DAB1: variants seen among roughly 807,000 people sequenced by gnomAD.
The protein encoded by DAB1 is DAB adaptor protein 1.
In DAB1, 15 loss-of-function variants were observed where a neutral mutation model predicts 64.6. The observed-to-expected ratio is 0.23, with a 90% CI of 0.16 to 0.36. The LOEUF is 0.36. Among genes scored for constraint, DAB1 ranks in the 10% least tolerant of loss-of-function variants. The pLI, the probability that DAB1 is intolerant of heterozygous loss-of-function variation, is 1.00. For missense variants in DAB1, 596 were observed against 706.7 expected, an observed-to-expected ratio of 0.84 and a Z score of 1.78; for synonymous variants, 235 against 251.9, an observed-to-expected ratio of 0.93 and a Z score of 0.64.
rs1378664874 is a variant in DAB1, at chr1:58,056,039, C to A, written n.387+94472G>T. The A allele has an allele frequency of 3.4e-6, 3 of 873,462 alleles. No individual in the cohort carries two copies. In the African/African-American group the frequency reaches 5.2e-5, roughly 15 times the overall value. The allele number at this position is 873,462 out of a possible 1,614,324, so 54.1% of individuals were successfully genotyped here. A position where few individuals can be genotyped will look rare whatever the true frequency, so the allele number is the denominator to read the frequency against. ...AGGTGTGAGCCACCGTGCCTGGCCT[C>A]ATGTGCATTCTTTTTTTTTTTTTTT... is the stretch of plus-strand genomic sequence containing the variant. On this transcript the variant is annotated intron_variant and non_coding_transcript_variant, in intron 5 of 20. Transcript: ENST00000485760.
intron 3 of DAB1, among the ~76,000 whole-genome samples, chr1:58,481,697 CAT>C (rs67279112): frequency 0.15 from 23,311 of 152,106 alleles, 1,991 homozygotes; most frequent in Admixed American, 0.26. Context: ...ATAATTCCCA[CAT>C]GTCATGGGAG....
At chr1:57,283,611 A>T (rs1180909832) in intron 2 of DAB1, among the ~76,000 whole-genome samples, 3 of 152,252 alleles carry the variant, frequency 2.0e-5, no homozygotes, top group East Asian at 3.8e-4. Flanking sequence ...TAGCCAGCCC[A>T]AGATAGGCAA....
intron 1 of DAB1, among the ~76,000 whole-genome samples, chr1:57,293,373 A>G (rs993495307): frequency 3.9e-5 from 6 of 152,152 alleles, no homozygotes; most frequent in African/African-American, 1.4e-4. Flanking sequence ...TACAAGCCAC[A>G]TGATTTGAGG....
intron 7 of DAB1, among the ~76,000 whole-genome samples, chr1:57,487,329 G>T (rs1255204629): frequency 1.3e-5 from 2 of 152,164 alleles, no homozygotes; most frequent in African/African-American, 2.4e-5. Flanking sequence ...CCTCCACCCT[G>T]CAGGATCAAG....
At chr1:58,159,650 G>T (rs1043354471) in intron 4 of DAB1, among the ~76,000 whole-genome samples, 1 of 152,236 alleles carries the variant, frequency 6.6e-6, no homozygotes, top group Non-Finnish European at 1.5e-5. Context: ...GACAGCAGCT[G>T]CAGGAAGTGA....
At chr1:57,344,200 T>G (rs1316682506) in intron 1 of DAB1, among the ~76,000 whole-genome samples, 4 of 152,214 alleles carry the variant, frequency 2.6e-5, no homozygotes. Flanking sequence ...CCAAAGTCTT[T>G]GCTCTTTGCA....
chr1:58,146,053 TA>T (rs1157418784), intron 5 of DAB1, among the ~76,000 whole-genome samples: 6 of 152,228 alleles, frequency 3.9e-5, no homozygotes, highest in African/African-American at 1.4e-4. Flanking sequence ...ATTTTCTTAA[TA>T]ACATTATCTT....
chr1:58,432,011 C>G (rs849471), intron 3 of DAB1, among the ~76,000 whole-genome samples: 89,237 of 152,072 alleles, frequency 0.59, 26,842 homozygotes, highest in African/African-American at 0.72. Flanking sequence ...AGCTCTGGAG[C>G]GATGGGTTTG....
At chr1:57,052,802 C>G (rs1023971708) in intron 9 of DAB1, among the ~76,000 whole-genome samples, 1 of 152,200 alleles carries the variant, frequency 6.6e-6, no homozygotes, top group Non-Finnish European at 1.5e-5. Flanking sequence ...CTTGAATACT[C>G]TTAGTGGCAG....
At chr1:58,535,133 C>A (rs1242110172) in intron 1 of DAB1, among the ~76,000 whole-genome samples, 1 of 152,142 alleles carries the variant, frequency 6.6e-6, no homozygotes, top group Non-Finnish European at 1.5e-5. Context: ...ACTGAATTCT[C>A]AGAACTAATG....
intron 5 of DAB1, among the ~76,000 whole-genome samples, chr1:57,919,745 A>G (rs1644782057): frequency 6.6e-6 from 1 of 152,232 alleles, no homozygotes; most frequent in African/African-American, 2.4e-5. Context: ...AGCTAAGCTT[A>G]GGGTGAGTTT....
chr1:57,116,468 A>AAAAG lies in DAB1; in HGVS notation c.306+20074_306+20075insCTTT, dbSNP rs1310640597. 1.4e-5 allele frequency among the ~76,000 whole-genome samples: 2 copies of AAAAG among 146,706 alleles called. 1 individual carries two copies. The highest frequency in any genetic ancestry group is 3.0e-5 in the Non-Finnish European group (2 of 66,966). On this transcript the variant is annotated intron_variant, in intron 4 of 14. Coordinates refer to ENST00000371236, the MANE Select transcript of DAB1 (RefSeq NM_001365792.1). Reference sequence around the variant, plus strand: ...TAGAGTGAGACTCTGTCTCAAAAAAAAAAAAAAAAAAAAAAGAAAGAAAGC... The same window carrying AAAAG: ...TAGAGTGAGACTCTGTCTCAAAAAAAAAAGAAAAAAAAAAAAAAAGAAAGAAAGC...
intron 5 of DAB1, among the ~76,000 whole-genome samples, chr1:57,914,578 A>G (rs1471743943): frequency 6.6e-6 from 1 of 152,026 alleles, no homozygotes; most frequent in East Asian, 1.9e-4. Flanking sequence ...TAATAACAAC[A>G]AAAAAAAGAA....
intron 1 of DAB1, among the ~76,000 whole-genome samples, chr1:57,368,336 G>C (rs1358597826): frequency 6.6e-6 from 1 of 152,190 alleles, no homozygotes; most frequent in Non-Finnish European, 1.5e-5. Context: ...CCCACCTTCA[G>C]GCCAGGGAGG....
At chr1:57,207,872 G>C (rs72674805) in intron 2 of DAB1, among the ~76,000 whole-genome samples, 13 of 152,228 alleles carry the variant, frequency 8.5e-5, no homozygotes, top group Admixed American at 2.6e-4. Flanking sequence ...TTTAATAAAG[G>C]CTCAGTTCAA....
chr1:58,305,224 G>C (rs1271522887), intron 4 of DAB1, among the ~76,000 whole-genome samples: 1 of 152,054 alleles, frequency 6.6e-6, no homozygotes, highest in Non-Finnish European at 1.5e-5. Context: ...GGATAACTGT[G>C]CCCTGCAAAA....
chr1:57,583,501 G>T (rs1645340050), intron 7 of DAB1, among the ~76,000 whole-genome samples: 1 of 151,726 alleles, frequency 6.6e-6, no homozygotes, highest in Non-Finnish European at 1.5e-5. Context: ...TGGCCAAGAG[G>T]GTCTCCATCT....
intron 2 of DAB1, among the ~76,000 whole-genome samples, chr1:58,507,912 A>T (rs1289458693): frequency 6.6e-6 from 1 of 152,148 alleles, no homozygotes; most frequent in African/African-American, 2.4e-5. Context: ...CCCTCTGAAA[A>T]CTGGAAGATA....
chr1:58,276,630 C>T (rs1331248554), intron 4 of DAB1, among the ~76,000 whole-genome samples: 1 of 152,146 alleles, frequency 6.6e-6, no homozygotes, highest in Non-Finnish European at 1.5e-5. Flanking sequence ...GGTTTGCCTA[C>T]CCTATTAAGG....
Sources: allele counts gnomAD v4.1 joint callset (sites outside exome capture counted in the v4.1 genomes callset), GRCh38; gene constraint gnomAD v4.1.1; transcripts MANE v1.5; gene names NCBI Gene and HGNC (gene_info 2026-07-23, HGNC 2026-07-21).